Variants in DHRS7C observed in about 807,000 individuals in gnomAD.
DHRS7C encodes dehydrogenase/reductase SDR family member 7C.
Under a neutral mutation model 29.6 loss-of-function variants are expected in DHRS7C, and 28 were observed. The observed-to-expected ratio is 0.95, with a 90% CI of 0.70 to 1.30. The LOEUF (loss-of-function observed/expected upper bound fraction) is 1.30. DHRS7C is among the 50% of genes most tolerant of loss of function. The pLI is 0.00. For missense variants in DHRS7C, 403 were observed against 393.3 expected (o/e 1.02, Z -0.21); for synonymous variants, 158 against 160.2 (o/e 0.99, Z 0.10).
rs138946533 is a variant in DHRS7C at position 9,776,239 on chromosome 17, C to T, written c.571+954G>A. 3.6e-3 allele frequency among the ~76,000 whole-genome samples: 549 copies of T among 152,062 alleles called. 1 individual carries two copies. Among genetic ancestry groups the T allele is most frequent in the African/African-American group, 0.012 (505 of 41,508 alleles). ...AAGAAAAGAAGAGGAAATTTGGACA[C>T]ATAGGGAGGCAACAGACATGCACGT... On this transcript the variant is annotated intron_variant, in intron 4 of 5. Coordinates refer to ENST00000571134, the MANE Select transcript of DHRS7C (RefSeq NM_001105571.3).
At chr17:9,784,581 T>C (rs2066412073) in intron 1 of DHRS7C, among the ~76,000 whole-genome samples, 2 of 152,156 alleles carry the variant, frequency 1.3e-5, no homozygotes, top group African/African-American at 4.8e-5. Flanking sequence ...GTTTATAATC[T>C]ATATGTCAGA....
In DHRS7C at chr17:9,775,815, G is replaced by T. The variant is rs373168767; in HGVS notation, c.571+1378C>A. Among the ~76,000 whole-genome samples, 8 of 152,310 alleles carry T rather than the reference G, an allele frequency of 5.3e-5. No homozygotes were observed. In the East Asian group the frequency reaches 9.7e-4, roughly 18 times the overall value. On this transcript the variant is annotated intron_variant, in intron 4 of 5. Transcript: ENST00000571134. This position sits in a 1 kb window ranked among gnomAD's most constrained non-coding sequence, Gnocchi z 4.2. The stretch of plus-strand genomic sequence containing the variant: ...ACCCAATACCCAGTACTCAGAATGT[G>T]ACGGTATTTAGAGATATTTAAAGAG...
chr17:9,771,501 G>C lies in DHRS7C; in HGVS notation c.923C>G (p.Pro308Arg). 3 of 1,534,864 alleles carry C rather than the reference G, an allele frequency of 2.0e-6. No homozygotes were observed. The highest frequency in any genetic ancestry group is 2.5e-5 in the South Asian group (2 of 79,756). Reference protein sequence around the residue: ...ACGVKEKLNVPEEG With the variant: ...ACGVKEKLNVREEG ...GGCCTCCTGCAGTTACCCCTCCTCC[G>C]GGACATTGAGCTTCTCCTTCACCCC... The change falls in exon 6 of 6, where the codon CCG becomes CGG. Residue 308 changes from proline (P) to arginine (R), a missense_variant. Coordinates refer to ENST00000571134, the MANE Select transcript of DHRS7C (RefSeq NM_001105571.3).
Position 9,771,699 on chromosome 17 carries a change from GA to G in DHRS7C, c.728-4del. On this transcript the variant is annotated splice_region_variant and splice_polypyrimidine_tract_variant and intron_variant, in intron 5 of 5. Coordinates refer to ENST00000571134, the MANE Select transcript of DHRS7C (RefSeq NM_001105571.3). Reference sequence around the variant, plus strand: ...GTAGGTCAGCTTCCTGAAAAAGACTGAAAGGCCCCAGTTGGGGGCGGGGGTT... The same window carrying G: ...GTAGGTCAGCTTCCTGAAAAAGACTGAAGGCCCCAGTTGGGGGCGGGGGTT... 1 of 1,475,560 alleles carries G rather than the reference GA, an allele frequency of 6.8e-7. No individual in the cohort carries two copies. Among genetic ancestry groups the G allele is most frequent in the Non-Finnish European group, 9.0e-7 (1 of 1,105,832 alleles). 91.4% of individuals were successfully genotyped at this position (1,475,560 alleles called of 1,614,324 possible).
intron 3 of DHRS7C, among the ~76,000 whole-genome samples, chr17:9,777,723 C>G (rs925664394): frequency 6.6e-6 from 1 of 152,012 alleles, no homozygotes; most frequent in African/African-American, 2.4e-5. Flanking sequence ...TTCAATTCTC[C>G]TAGTATGGAA....
At chr17:9,779,191 C>T (rs1198388097) in intron 3 of DHRS7C, among the ~76,000 whole-genome samples, 3 of 152,194 alleles carry the variant, frequency 2.0e-5, no homozygotes, top group Non-Finnish European at 4.4e-5. Flanking sequence ...TCCAGCCCCA[C>T]TTCCCAGGCT....
Position 9,781,515 on chromosome 17 carries a change from A to C in DHRS7C, c.234T>G (p.Tyr78Ter), listed in dbSNP as rs779662471. Residue 78 changes from tyrosine to a stop codon, truncating the protein, a stop_gained, in exon 2 of 6, where the codon TAT (tyrosine) becomes TAG (stop). Coordinates refer to ENST00000571134, the MANE Select transcript of DHRS7C (RefSeq NM_001105571.3). LOFTEE classifies it high-confidence loss of function. ...GGTCAGCCACGCTGATCAAGGCATC[A>C]TATAGGTTCTCTAGCCTCTCCCAGT... ...GKNWERLENLYDALISVADPS... is the reference protein window; with the variant it reads ...GKNWERLENL The C allele has an allele frequency of 9.3e-6, 15 of 1,614,008 alleles. No homozygotes were observed. Among genetic ancestry groups the C allele is most frequent in the Non-Finnish European group, 1.2e-5 (14 of 1,179,866 alleles).
At chr17:9,784,903 T>C (rs1028503381) in intron 1 of DHRS7C, among the ~76,000 whole-genome samples, 3 of 152,198 alleles carry the variant, frequency 2.0e-5, no homozygotes, top group Admixed American at 6.5e-5. Context: ...AAGTTCGCAA[T>C]AGAGTAAGTT....
intron 1 of DHRS7C, among the ~76,000 whole-genome samples, chr17:9,783,872 T>G (rs1187977700): frequency 1.3e-5 from 2 of 151,500 alleles, no homozygotes; most frequent in Non-Finnish European, 2.9e-5. Flanking sequence ...ACTCAGGAGA[T>G]GGAGACTGCA....
At chr17:9,780,139 A>G (rs575298138) in intron 2 of DHRS7C, 104 bp from the exon 3 acceptor site, 521 of 981,718 alleles carry the variant, frequency 5.3e-4, no homozygotes, top group Admixed American at 1.7e-3. Flanking sequence ...ATTCAAAGAT[A>G]ATGAAATGAC....
rs2066393589 is a variant in DHRS7C at position 9,781,595 on chromosome 17, CTG to C, written c.155-3_155-2del. The C allele has an allele frequency of 1.9e-6, 3 of 1,613,532 alleles. No homozygotes were observed. The highest frequency in any genetic ancestry group is 2.5e-6 in the Non-Finnish European group (3 of 1,179,870). On this transcript the variant is annotated splice_acceptor_variant and splice_polypyrimidine_tract_variant and intron_variant, in intron 1 of 5. Transcript: ENST00000571134. LOFTEE classifies it high-confidence loss of function. ...CCTGTGTGGAACACCCGAGCACACT[CTG>C]TGGGGAAGAAGGAAACAGGGCAGGG...
intron 3 of DHRS7C, 24 bp from the exon 4 acceptor site, chr17:9,777,309 C>A: frequency 6.2e-7 from 1 of 1,604,216 alleles, no homozygotes; most frequent in Non-Finnish European, 8.5e-7. Context: ...GACGATGCAT[C>A]ATGGTTAAAA....
At chr17:9,782,229 G>T (rs942461374) in intron 1 of DHRS7C, among the ~76,000 whole-genome samples, 6 of 152,196 alleles carry the variant, frequency 3.9e-5, no homozygotes, top group Admixed American at 2.0e-4. Context: ...ACTGTTGAAA[G>T]ATATGTACAT....
chr17:9,789,760 T>A (rs1409539475), intron 1 of DHRS7C, among the ~76,000 whole-genome samples: 17 of 152,194 alleles, frequency 1.1e-4, no homozygotes, highest in Non-Finnish European at 7.3e-5. Flanking sequence ...AAGCCTTCTG[T>A]TCTGAATAGC....
intron 1 of DHRS7C, among the ~76,000 whole-genome samples, chr17:9,783,642 T>C (rs181799738): frequency 7.2e-5 from 11 of 152,306 alleles, no homozygotes; most frequent in Non-Finnish European, 1.6e-4. Flanking sequence ...AAAGTTAACA[T>C]GTTGAGCCAA....
chr17:9,790,119 A>G (rs565379717), intron 1 of DHRS7C, among the ~76,000 whole-genome samples: 4 of 152,248 alleles, frequency 2.6e-5, no homozygotes, highest in Admixed American at 2.6e-4. Flanking sequence ...GAAAATTCTC[A>G]GGGAGGTTAC....
intron 2 of DHRS7C, among the ~76,000 whole-genome samples, 196 bp from the exon 3 acceptor site, chr17:9,780,231 G>A (rs2066386293): frequency 6.6e-6 from 1 of 152,050 alleles, no homozygotes; most frequent in South Asian, 2.1e-4. Flanking sequence ...GGGGACCAGG[G>A]CAAAAACAAC....
In DHRS7C at chr17:9,771,655, C is replaced by A; in HGVS notation, c.769G>T (p.Val257Leu). 1 of 1,582,744 alleles carries A rather than the reference C, an allele frequency of 6.3e-7. No individual in the cohort carries two copies. The highest frequency in any genetic ancestry group is 8.6e-7 in the Non-Finnish European group (1 of 1,162,640). The change falls in exon 6 of 6, where the codon GTG becomes TTG. Residue 257 changes from valine (V) to leucine (L), a missense_variant. Val to Leu is a conservative substitution (Grantham distance 32). Transcript: ENST00000571134. ...KLTYGVHPVE[V>L]AEEVMRTVRR... ...ACGGTGCGCATCACCTCCTCCGCCA[C>A]CTCTACTGGGTGCACGCCGTAGGTC...
intron 1 of DHRS7C, among the ~76,000 whole-genome samples, chr17:9,786,774 C>A (rs1227571495): frequency 6.6e-6 from 1 of 152,060 alleles, no homozygotes; most frequent in Non-Finnish European, 1.5e-5. Flanking sequence ...CACCCGGAGT[C>A]CCACAGTTGG....
Sources: gnomAD v4.1 joint callset for allele counts (sites outside exome capture counted in the v4.1 genomes callset) on GRCh38, gnomAD v4.1.1 for gene constraint, Gnocchi (gnomAD v3.1) non-coding constraint, MANE v1.5 for transcripts, NCBI Gene and HGNC (gene_info 2026-07-23, HGNC 2026-07-21) for gene names.